PCDHA10: variants seen among roughly 807,000 people sequenced by gnomAD.
PCDHA10 encodes protocadherin alpha-10.
A neutral mutation model predicts 61.2 loss-of-function variants in PCDHA10; 45 were observed. The observed-to-expected ratio is 0.74, with a 90% CI of 0.58 to 0.94. PCDHA10 has a LOEUF of 0.94. Ranked by LOEUF, PCDHA10 falls within the 40% of genes least tolerant of loss-of-function variation. The pLI is 0.00. For missense variants in PCDHA10, 1,278 were observed against 1,236.2 expected, an observed-to-expected ratio of 1.03 and a Z score of -0.51; for synonymous variants, 602 against 548.8, an observed-to-expected ratio of 1.10 and a Z score of -1.35.
At chr5:141,008,684 G>C (rs1426948038) in intron 3 of PCDHA10, among the ~76,000 whole-genome samples, 1 of 152,118 alleles carries the variant, frequency 6.6e-6, no homozygotes, top group Admixed American at 6.5e-5. Context: ...TTTAGTTATT[G>C]CATGTATTAA....
Position 140,979,061 on chromosome 5 carries a change from A to G in PCDHA10, c.2447+54A>G, listed in dbSNP as rs374803810. 155 of 1,605,246 alleles carry G rather than the reference A, an allele frequency of 9.7e-5. No individual in the cohort carries two copies. The African/African-American group carries it at 1.8e-3, about 19-fold the overall frequency. On this transcript the variant is annotated intron_variant, in intron 2 of 3. Coordinates refer to ENST00000307360, the MANE Select transcript of PCDHA10 (RefSeq NM_018901.4). ...AAGTAACCTTAACTTGGTATGGCTC[A>G]GATAAACTGCATCTCCATAGGCCAG...
intron 1 of PCDHA10, among the ~76,000 whole-genome samples, chr5:140,905,837 G>A (rs1433117944): frequency 1.3e-5 from 2 of 152,148 alleles, no homozygotes; most frequent in African/African-American, 2.4e-5. Context: ...ATAAAGGGGA[G>A]TTTATTAAGG....
At position 140,856,200 on chromosome 5, in the gene PCDHA10, T is replaced by G. The variant is rs1463727286; in HGVS notation, c.152T>G (p.Leu51Arg). 1 of 1,597,908 alleles carries G rather than the reference T, an allele frequency of 6.3e-7. No homozygotes were observed. The highest frequency in any genetic ancestry group is 1.3e-5 in the African/African-American group (1 of 74,262). Residue 51 changes from leucine (L) to arginine (R), a missense_variant, in exon 1 of 4, where the codon CTG (leucine) becomes CGG (arginine). Transcript: ENST00000307360. Reference protein sequence around the residue: ...GTFVGRIAQDLGLELAELVQR... With the variant: ...GTFVGRIAQDRGLELAELVQR... ...TTCGTGGGCCGCATCGCGCAGGACC[T>G]GGGGCTGGAGCTGGCGGAGCTGGTG...
chr5:140,876,312 G>C (rs557901977), intron 1 of PCDHA10: 1 of 1,614,036 alleles, frequency 6.2e-7, no homozygotes. Context: ...TTTCCTATGG[G>C]ATCAAAATGA....
chr5:140,986,195 A>C (rs1200850544), intron 3 of PCDHA10, among the ~76,000 whole-genome samples: 1 of 152,196 alleles, frequency 6.6e-6, no homozygotes, highest in African/African-American at 2.4e-5. Context: ...TAAATTGGTT[A>C]ATCCTGATTA....
chr5:140,933,388 GCCATCTGGTTA>G (rs1563137793), intron 1 of PCDHA10, among the ~76,000 whole-genome samples: 2 of 151,906 alleles, frequency 1.3e-5, no homozygotes, highest in Non-Finnish European at 2.9e-5. Context: ...TGTTCCTAGA[GCCATCTGGTTA>G]CCATCTACAG....
intron 1 of PCDHA10, chr5:140,862,204 A>C: frequency 5.7e-6 from 1 of 176,474 alleles, no homozygotes; most frequent in Non-Finnish European, 1.2e-5. Flanking sequence ...ATGTTTGATC[A>C]CTGCACAGAC....
intron 1 of PCDHA10, among the ~76,000 whole-genome samples, chr5:140,971,186 G>T (rs1052745272): frequency 1.8e-4 from 28 of 152,258 alleles, no homozygotes; most frequent in African/African-American, 6.7e-4. Context: ...TAAGCCGGAA[G>T]CTCAGAGGAA....
At chr5:140,903,403 C>T (rs2070268499) in intron 1 of PCDHA10, among the ~76,000 whole-genome samples, 1 of 152,156 alleles carries the variant, frequency 6.6e-6, no homozygotes, top group Non-Finnish European at 1.5e-5. Flanking sequence ...AACAGTAGTG[C>T]AGTCAGGAAA....
At chr5:140,958,759 A>G (rs1254935099) in intron 1 of PCDHA10, among the ~76,000 whole-genome samples, 2 of 152,112 alleles carry the variant, frequency 1.3e-5, no homozygotes, top group African/African-American at 4.8e-5. Flanking sequence ...ATTTTTACCC[A>G]TTTCTGTTTG....
chr5:140,897,613 A>C (rs1252972033), intron 1 of PCDHA10, among the ~76,000 whole-genome samples: 2 of 152,052 alleles, frequency 1.3e-5, no homozygotes, highest in Non-Finnish European at 2.9e-5. Flanking sequence ...GTTGGTTCCA[A>C]GTCTTTACTA....
At chr5:140,922,288 T>C (rs2080761283) in intron 1 of PCDHA10, among the ~76,000 whole-genome samples, 1 of 152,150 alleles carries the variant, frequency 6.6e-6, no homozygotes, top group African/African-American at 2.4e-5. Context: ...GATATGAAAA[T>C]GCTAGGAGAG....
intron 2 of PCDHA10, 86 bp from the exon 3 acceptor site, chr5:140,982,389 T>C: frequency 1.3e-6 from 2 of 1,593,476 alleles, no homozygotes; most frequent in South Asian, 1.1e-5. Context: ...CCTGGCTTCA[T>C]AGTTGTAAGC....
At chr5:140,958,744 A>G (rs1421311606) in intron 1 of PCDHA10, among the ~76,000 whole-genome samples, 1 of 152,156 alleles carries the variant, frequency 6.6e-6, no homozygotes, top group Non-Finnish European at 1.5e-5. Context: ...AAAGAGAGAA[A>G]GGAGATTTTT....
At chr5:140,975,899 G>A (rs2096688066) in intron 1 of PCDHA10, among the ~76,000 whole-genome samples, 1 of 152,084 alleles carries the variant, frequency 6.6e-6, no homozygotes, top group African/African-American at 2.4e-5. Context: ...ATGGAGTTTT[G>A]TGACCATTAT....
chr5:140,901,020 C>G (rs528406801), intron 1 of PCDHA10, among the ~76,000 whole-genome samples: 2 of 152,262 alleles, frequency 1.3e-5, no homozygotes, highest in African/African-American at 4.8e-5. Flanking sequence ...TGAGAAACAT[C>G]TATTCAACTC....
In PCDHA10 at chr5:140,857,559, C is replaced by T; in HGVS notation, c.1511C>T (p.Ser504Leu). The change falls in exon 1 of 4, where the codon TCG becomes TTG. Residue 504 changes from serine (S) to leucine (L), a missense_variant. Transcript: ENST00000307360. The stretch of plus-strand genomic sequence containing the variant: ...CGGCGGTTGGGCGAGCGCTCGCTGT[C>T]GAGCTACGTGTCGGTGCACGCGGAG... ...VERRLGERSL[S>L]SYVSVHAESG... is the part of the protein sequence containing the mutation. 1.3e-6 allele frequency: 2 copies of T among 1,596,876 alleles called. No homozygotes were observed. Among genetic ancestry groups the T allele is most frequent in the South Asian group, 1.1e-5 (1 of 90,494 alleles).
intron 1 of PCDHA10, chr5:140,871,269 G>A (rs782046462): frequency 1.2e-6 from 2 of 1,613,952 alleles, no homozygotes; most frequent in Non-Finnish European, 8.5e-7. Flanking sequence ...CGCTGTGGTG[G>A]TCGGCAACGC....
intron 3 of PCDHA10, 22 bp downstream of exon 3, chr5:140,982,585 ATTCT>A: frequency 6.2e-7 from 1 of 1,611,974 alleles, no homozygotes; most frequent in Non-Finnish European, 8.5e-7. Flanking sequence ...GGGTCTCTCC[ATTCT>A]TTCTTGGTTT....
Sources: gnomAD v4.1 joint callset for allele counts (sites outside exome capture counted in the v4.1 genomes callset) on GRCh38, gnomAD v4.1.1 for gene constraint, MANE v1.5 for transcripts, NCBI Gene and HGNC (gene_info 2026-07-23, HGNC 2026-07-21) for gene names.